SKAP1: variants seen among roughly 807,000 people sequenced by gnomAD.
The protein encoded by SKAP1 is src kinase-associated phosphoprotein 1.
SKAP1 carries 44 observed loss-of-function variants against 58.5 expected under a neutral mutation model. The ratio of observed to expected loss-of-function variants is 0.75; its 90% confidence interval spans 0.59 to 0.97. SKAP1 has a LOEUF of 0.97. Among genes scored for constraint, SKAP1 ranks in the 50% least tolerant of loss-of-function variants. The pLI, the probability that SKAP1 is intolerant of heterozygous loss-of-function variation, is 0.00. For missense variants in SKAP1, 390 were observed against 435.2 expected (o/e 0.90, Z 0.92); for synonymous variants, 127 against 149.7 (o/e 0.85, Z 1.11).
At chr17:48,347,257 A>G (rs920954306) in intron 3 of SKAP1, among the ~76,000 whole-genome samples, 2 of 152,214 alleles carry the variant, frequency 1.3e-5, no homozygotes. Context: ...TGAATTTAAT[A>G]TTATCTCAAA....
At chr17:48,246,145 A>G (rs2065293852) in intron 4 of SKAP1, among the ~76,000 whole-genome samples, 1 of 152,256 alleles carries the variant, frequency 6.6e-6, no homozygotes, top group South Asian at 2.1e-4. Context: ...AAAATGGAAG[A>G]CTTAGGTAAT....
At chr17:48,272,458 T>C (rs1348520095) in intron 4 of SKAP1, among the ~76,000 whole-genome samples, 11 of 152,018 alleles carry the variant, frequency 7.2e-5, no homozygotes, top group Admixed American at 7.2e-4. Flanking sequence ...AACTAAGACT[T>C]AGGAATTGTT....
intron 1 of SKAP1, among the ~76,000 whole-genome samples, chr17:48,417,606 G>A (rs1274549383): frequency 1.3e-5 from 2 of 152,070 alleles, no homozygotes; most frequent in Admixed American, 1.3e-4. Context: ...TTAGCTGGGC[G>A]TGGTGGCACA....
chr17:48,137,488 T>TA (rs971615902), intron 11 of SKAP1, 151 bp from the exon 12 acceptor site: 13 of 526,226 alleles, frequency 2.5e-5, no homozygotes, highest in Non-Finnish European at 4.1e-5. Flanking sequence ...TTATTAAATT[T>TA]AAAAAAATCA....
chr17:48,342,665 T>G (rs1461713770), intron 4 of SKAP1, among the ~76,000 whole-genome samples: 12 of 152,158 alleles, frequency 7.9e-5, no homozygotes, highest in Admixed American at 7.9e-4. Flanking sequence ...TCTGAAATAT[T>G]TTCACATTTT....
At chr17:48,138,526 C>T (rs1335610743) in intron 11 of SKAP1, among the ~76,000 whole-genome samples, 2 of 151,944 alleles carry the variant, frequency 1.3e-5, no homozygotes, top group African/African-American at 4.8e-5. Flanking sequence ...CGCACCACCA[C>T]GCCCGGCTAA....
intron 4 of SKAP1, among the ~76,000 whole-genome samples, chr17:48,271,362 CTTTTTTTTT>C: frequency 9.4e-6 from 1 of 106,294 alleles, no homozygotes; most frequent in East Asian, 2.6e-4. Context: ...TTCTTTGTTT[CTTTTTTTTT>C]TTTTTTTTTT....
At position 48,184,811 on chromosome 17, in the gene SKAP1, T is replaced by C; in HGVS notation, c.479A>G (p.Tyr160Cys). The change falls in exon 7 of 13, where the codon TAC (tyrosine) becomes TGC (cysteine). Residue 160 changes from tyrosine to cysteine, a missense_variant. Tyr to Cys is a radical substitution (Grantham distance 194, BLOSUM62 -2). Transcript: ENST00000336915. ...QPKGTFLIKG[Y>C]GVRMAPHLRR... Reference sequence around the variant, plus strand: ...CAGGTGGGGGGCCATCCGTACACCGTAGCCCTTAATGAGGAAGGTCCCTTT... The same window carrying C: ...CAGGTGGGGGGCCATCCGTACACCGCAGCCCTTAATGAGGAAGGTCCCTTT... 2 of 1,613,908 alleles carry C rather than the reference T, an allele frequency of 1.2e-6. No individual in the cohort carries two copies. The highest frequency in any genetic ancestry group is 1.3e-5 in the African/African-American group (1 of 75,028).
chr17:48,418,035 C>T (rs936071059), intron 1 of SKAP1, among the ~76,000 whole-genome samples: 13 of 152,058 alleles, frequency 8.5e-5, no homozygotes, highest in African/African-American at 3.1e-4. Context: ...TGCCTCACAC[C>T]CGTAATCCCA....
intron 2 of SKAP1, among the ~76,000 whole-genome samples, chr17:48,392,522 A>C (rs2067361359): frequency 6.6e-6 from 1 of 152,066 alleles, no homozygotes; most frequent in South Asian, 2.1e-4. Context: ...CTTATCCAAG[A>C]AGGGCCATTG....
intron 4 of SKAP1, among the ~76,000 whole-genome samples, chr17:48,217,000 A>T (rs2064948621): frequency 6.6e-6 from 1 of 152,192 alleles, no homozygotes; most frequent in South Asian, 2.1e-4. Context: ...GAATATAAGA[A>T]AGAAGTGAAG....
At chr17:48,288,984 G>T (rs2065868275) in intron 4 of SKAP1, among the ~76,000 whole-genome samples, 1 of 152,048 alleles carries the variant, frequency 6.6e-6, no homozygotes. Flanking sequence ...CCAACCAAAT[G>T]GCAAATGTGA....
the SKAP1 span, among the ~76,000 whole-genome samples, chr17:48,439,868 G>C: frequency 6.6e-6 from 1 of 152,104 alleles, no homozygotes; most frequent in Admixed American, 6.6e-5. Context: ...GACAATGTTG[G>C]GGCCCTTTTT....
chr17:48,173,174 A>G (rs1342543394), intron 9 of SKAP1, among the ~76,000 whole-genome samples: 1 of 135,052 alleles, frequency 7.4e-6, no homozygotes, highest in Admixed American at 8.2e-5. Context: ...CAACAGAGCG[A>G]GACCTTGTCT....
intron 4 of SKAP1, among the ~76,000 whole-genome samples, chr17:48,322,956 C>T (rs543449593): frequency 6.6e-6 from 1 of 151,956 alleles, no homozygotes; most frequent in Non-Finnish European, 1.5e-5. Flanking sequence ...ATTAGCCAGG[C>T]GTGGTGGCAT....
At chr17:48,291,832 TTG>T (rs2065901328) in intron 4 of SKAP1, among the ~76,000 whole-genome samples, 1 of 152,216 alleles carries the variant, frequency 6.6e-6, no homozygotes, top group Non-Finnish European at 1.5e-5. Flanking sequence ...TGATATCCCT[TTG>T]TAATTCAGTT....
intron 4 of SKAP1, among the ~76,000 whole-genome samples, chr17:48,241,924 T>C (rs183379017): frequency 5.4e-4 from 82 of 152,310 alleles, no homozygotes; most frequent in Admixed American, 2.4e-3. Context: ...TGTCAAGATA[T>C]CAAGGCTCCT....
chr17:48,431,905 G>C (rs149501427), upstream of SKAP1, among the ~76,000 whole-genome samples: 1 of 152,144 alleles, frequency 6.6e-6, no homozygotes, highest in Admixed American at 6.5e-5. Context: ...TGTGATAAAA[G>C]TGCCTGCCTC....
chr17:48,344,467 G>T (rs1446082910), intron 4 of SKAP1, among the ~76,000 whole-genome samples: 2 of 152,118 alleles, frequency 1.3e-5, no homozygotes, highest in Non-Finnish European at 2.9e-5. Flanking sequence ...TGTGTTCTCA[G>T]TTGTGTTTGG....
Sources: gnomAD v4.1 joint callset for allele counts (sites outside exome capture counted in the v4.1 genomes callset) on GRCh38, gnomAD v4.1.1 for gene constraint, MANE v1.5 for transcripts, NCBI Gene and HGNC (gene_info 2026-07-23, HGNC 2026-07-21) for gene names.